Variants in FAM135A observed in about 807,000 individuals in gnomAD.
The protein encoded by FAM135A is family with sequence similarity 135 member A.
A neutral mutation model predicts 146.8 loss-of-function variants in FAM135A; 79 were observed. The ratio of observed to expected loss-of-function variants is 0.54; its 90% CI spans 0.45 to 0.65. The LOEUF (loss-of-function observed/expected upper bound fraction) is 0.65. Ranked by LOEUF, FAM135A falls within the 30% of genes least tolerant of loss-of-function variation. The pLI, the probability that FAM135A is intolerant of heterozygous loss-of-function variation, is 0.00. For missense variants in FAM135A, 1,623 were observed against 1,758.2 expected (o/e 0.92, Z 1.38); for synonymous variants, 562 against 603.6 (o/e 0.93, Z 1.01).
In FAM135A at chr6:70,464,959, T is replaced by C. The variant is rs561383808; in HGVS notation, c.158-10451T>C. The stretch of plus-strand genomic sequence containing the variant: ...TTGGCCTCCCAAAGTGCTGGGATTA[T>C]AGGCATGAGCCACCACACCTGACCT... On this transcript the variant is annotated intron_variant, in intron 5 of 21. Transcript: ENST00000418814. 4.7e-5 allele frequency among the ~76,000 whole-genome samples: 7 copies of C among 149,280 alleles called. No individual in the cohort carries two copies. In the South Asian group the frequency reaches 1.5e-3, roughly 32 times the overall value.
chr6:70,442,759 T>A (rs1208476), intron 4 of FAM135A, among the ~76,000 whole-genome samples: 65,791 of 151,790 alleles, frequency 0.43, 15,656 homozygotes, highest in African/African-American at 0.62. Context: ...GCCAGACATT[T>A]TATGTCCTTT....
At chr6:70,544,108 TAA>T (rs34753260) in intron 20 of FAM135A, among the ~76,000 whole-genome samples, 3 of 145,526 alleles carry the variant, frequency 2.1e-5, no homozygotes, top group East Asian at 2.0e-4. Flanking sequence ...TAGTAAATGG[TAA>T]AAAAAAAAAA....
intron 5 of FAM135A, among the ~76,000 whole-genome samples, chr6:70,458,057 A>G (rs1458428422): frequency 1.3e-5 from 2 of 152,170 alleles, no homozygotes; most frequent in Non-Finnish European, 2.9e-5. Context: ...TATAAAAGGG[A>G]AGCCTGAGTT....
At position 70,428,518 on chromosome 6, in the gene FAM135A, CAATG is replaced by C. The variant is rs529204335; in HGVS notation, c.77+102_77+105del. ...TTTATTCCAGCATATATAAGGAAAACAATGAACTATATTCAAGTAATTATTTTCT... is the reference window on the plus strand; with the variant it reads ...TTTATTCCAGCATATATAAGGAAAACAACTATATTCAAGTAATTATTTTCT... On this transcript the variant is annotated intron_variant, in intron 4 of 21. Coordinates refer to ENST00000418814, the MANE Select transcript of FAM135A (RefSeq NM_001162529.3). 2.8e-4 allele frequency: 191 copies of C among 675,072 alleles called. 2 individuals are homozygous for C. In the South Asian group the frequency reaches 5.4e-3, roughly 19 times the overall value. 41.8% of individuals were successfully genotyped at this position (675,072 alleles called of 1,614,324 possible).
chr6:70,536,312 C>G lies in FAM135A; in HGVS notation c.4018C>G (p.Pro1340Ala). 1 of 1,613,202 alleles carries G rather than the reference C, an allele frequency of 6.2e-7. No homozygotes were observed. Among genetic ancestry groups the G allele is most frequent in the South Asian group, 1.1e-5 (1 of 90,990 alleles). Residue 1340 changes from proline (P) to alanine (A), a missense_variant, in exon 19 of 22, where the codon CCA (proline) becomes GCA (alanine). Pro to Ala is a conservative substitution (Grantham distance 27). Coordinates refer to ENST00000418814, the MANE Select transcript of FAM135A (RefSeq NM_001162529.3). Reference protein sequence around the residue: ...NLIIRSVLTRPRFKYYLNKLH... With the variant: ...NLIIRSVLTRARFKYYLNKLH... Reference sequence around the variant, plus strand: ...AATAATTCGTTCAGTGCTTACAAGGCCAAGGTTTAAATATTACCTCAACAA... The same window carrying G: ...AATAATTCGTTCAGTGCTTACAAGGGCAAGGTTTAAATATTACCTCAACAA...
chr6:70,554,370 A>T (rs1337701489), intron 20 of FAM135A, among the ~76,000 whole-genome samples: 2 of 152,246 alleles, frequency 1.3e-5, no homozygotes, highest in Non-Finnish European at 2.9e-5. Context: ...TGGTCAAATA[A>T]GATGAGGCCT....
intron 13 of FAM135A, among the ~76,000 whole-genome samples, chr6:70,523,393 T>C (rs1794018832): frequency 6.6e-6 from 1 of 152,212 alleles, no homozygotes; most frequent in South Asian, 2.1e-4. Flanking sequence ...ATATGTTAAC[T>C]GTTGAAGTTC....
intron 4 of FAM135A, among the ~76,000 whole-genome samples, chr6:70,445,927 G>A (rs1582157348): frequency 6.6e-6 from 1 of 152,210 alleles, no homozygotes; most frequent in East Asian, 1.9e-4. Context: ...GTCATGGTGA[G>A]CTACTTCTTG....
At chr6:70,432,299 C>T (rs1388752577) in intron 4 of FAM135A, among the ~76,000 whole-genome samples, 1 of 152,102 alleles carries the variant, frequency 6.6e-6, no homozygotes, top group Non-Finnish European at 1.5e-5. Context: ...GCATCTCTTT[C>T]TCTTATGACT....
chr6:70,528,751 G>A (rs1465657431), intron 16 of FAM135A, among the ~76,000 whole-genome samples: 1 of 151,480 alleles, frequency 6.6e-6, no homozygotes, highest in Non-Finnish European at 1.5e-5. Context: ...CGCAGAACAT[G>A]TAGGTTTGTT....
intron 4 of FAM135A, among the ~76,000 whole-genome samples, chr6:70,447,976 C>T (rs574139856): frequency 1.1e-3 from 171 of 152,078 alleles, no homozygotes; most frequent in Admixed American, 2.1e-3. Context: ...TATGCTTTCC[C>T]GAATTTAAAA....
chr6:70,509,238 A>G (rs1790464029), intron 12 of FAM135A, among the ~76,000 whole-genome samples: 1 of 152,156 alleles, frequency 6.6e-6, no homozygotes, highest in Non-Finnish European at 1.5e-5. Context: ...GTTTACAACC[A>G]GCCTGGGCAA....
chr6:70,535,263 T>C (rs977711059), intron 18 of FAM135A, among the ~76,000 whole-genome samples: 1 of 152,144 alleles, frequency 6.6e-6, no homozygotes, highest in African/African-American at 2.4e-5. Flanking sequence ...GCTCTCAAGC[T>C]CTCTTTCACT....
chr6:70,421,036 C>T (rs1014777767), intron 2 of FAM135A, among the ~76,000 whole-genome samples: 1 of 152,038 alleles, frequency 6.6e-6, no homozygotes, highest in Non-Finnish European at 1.5e-5. Flanking sequence ...TGTGCACTAC[C>T]ACACCCAGCT....
intron 10 of FAM135A, among the ~76,000 whole-genome samples, chr6:70,484,981 G>C (rs1263849787): frequency 6.6e-6 from 1 of 152,134 alleles, no homozygotes; most frequent in East Asian, 1.9e-4. Flanking sequence ...TAATAAAAGT[G>C]CCCTTATATT....
intron 20 of FAM135A, among the ~76,000 whole-genome samples, chr6:70,553,602 T>G (rs1244278666): frequency 6.6e-6 from 1 of 152,226 alleles, no homozygotes; most frequent in Admixed American, 6.5e-5. Flanking sequence ...ATCAAAGATA[T>G]GGTCACTTTT....
At chr6:70,547,100 T>TA (rs1184501681) in intron 20 of FAM135A, among the ~76,000 whole-genome samples, 8 of 152,292 alleles carry the variant, frequency 5.3e-5, no homozygotes, top group African/African-American at 1.9e-4. Context: ...TTCCTAAAAA[T>TA]ACCTGCTTAG....
Position 70,528,365 on chromosome 6 carries a change from G to T in FAM135A, c.3688G>T (p.Ala1230Ser). ...GFMYSEVPLL[A>S]SSVPYFSVEE... ...CATGTACAGTGAAGTTCCTCTGCTGGCATCCTCAGTACCTTATTTTAGTGT... is the reference window on the plus strand; with the variant it reads ...CATGTACAGTGAAGTTCCTCTGCTGTCATCCTCAGTACCTTATTTTAGTGT... The change falls in exon 16 of 22, where the codon GCA (alanine) becomes TCA (serine). Residue 1230 changes from alanine (A) to serine (S), a missense_variant. By Grantham distance (99) the Ala-to-Ser change is moderately conservative. Coordinates refer to ENST00000418814, the MANE Select transcript of FAM135A (RefSeq NM_001162529.3). The T allele has an allele frequency of 6.2e-7, 1 of 1,613,654 alleles. No individual in the cohort carries two copies. The highest frequency in any genetic ancestry group is 8.5e-7 in the Non-Finnish European group (1 of 1,179,764).
At chr6:70,446,805 A>G (rs1275097062) in intron 4 of FAM135A, among the ~76,000 whole-genome samples, 1 of 152,224 alleles carries the variant, frequency 6.6e-6, no homozygotes, top group African/African-American at 2.4e-5. Context: ...ACTCATTGTG[A>G]CAGGTTTTCA....
Sources: gnomAD v4.1 joint callset for allele counts (sites outside exome capture counted in the v4.1 genomes callset) on GRCh38, gnomAD v4.1.1 for gene constraint, MANE v1.5 for transcripts, NCBI Gene and HGNC (gene_info 2026-07-23, HGNC 2026-07-21) for gene names.